The following GPHN variants were observed in gnomAD, a reference collection of about 807,000 sequenced individuals.
The protein encoded by GPHN is gephyrin.
A neutral mutation model predicts 95.5 loss-of-function variants in GPHN; 17 were observed. The observed-to-expected ratio is 0.18, with a 90% CI of 0.12 to 0.27. The LOEUF (loss-of-function observed/expected upper bound fraction) is 0.27, where lower values mean the gene tolerates loss of function less well. Ranked by LOEUF, GPHN falls within the 10% of genes least tolerant of loss-of-function variation. The pLI is 1.00. For synonymous variants in GPHN, 320 were observed against 322.5 expected (o/e 0.99, Z 0.08); for missense variants, 660 against 978.1 (o/e 0.67, Z 4.34).
intron 11 of GPHN, among the ~76,000 whole-genome samples, chr14:67,080,255 T>C (rs1374912388): frequency 1.3e-5 from 2 of 151,944 alleles, no homozygotes; most frequent in African/African-American, 4.8e-5. Context: ...TCATTTTAAA[T>C]TCATGTGATT....
intron 2 of GPHN, among the ~76,000 whole-genome samples, chr14:66,713,250 G>A (rs11624158): frequency 4.8e-4 from 73 of 152,190 alleles, no homozygotes; most frequent in South Asian, 2.7e-3. Flanking sequence ...TGATGTTATC[G>A]TCTAGAATTT....
At chr14:66,701,371 C>T (rs1229096531) in intron 2 of GPHN, among the ~76,000 whole-genome samples, 3 of 152,192 alleles carry the variant, frequency 2.0e-5, no homozygotes, top group African/African-American at 7.2e-5. Flanking sequence ...CATTTGGGTG[C>T]GGCCATGATG....
chr14:66,523,910 A>G (rs1009690555), intron 1 of GPHN, among the ~76,000 whole-genome samples: 2 of 152,126 alleles, frequency 1.3e-5, no homozygotes, highest in Admixed American at 6.6e-5. Context: ...TTAAGGTTCA[A>G]TACTGAACTG....
At chr14:67,273,792 C>T in the GPHN span, among the ~76,000 whole-genome samples, 7 of 152,092 alleles carry the variant, frequency 4.6e-5, no homozygotes, top group South Asian at 4.2e-4. Flanking sequence ...CTGTTGTTTC[C>T]GACTTTTTAA....
At chr14:67,533,498 C>G in the GPHN span, 2 of 151,890 alleles carry the variant, frequency 1.3e-5, no homozygotes, top group African/African-American at 4.8e-5. Context: ...GCCCAGAGGA[C>G]GATCCGGAGC....
At chr14:67,347,728 G>A in the GPHN span, among the ~76,000 whole-genome samples, 2 of 151,826 alleles carry the variant, frequency 1.3e-5, no homozygotes, top group African/African-American at 4.8e-5. Flanking sequence ...TTGAACTTCC[G>A]ACCTCAGGTG....
chr14:66,562,112 T>G (rs1594976508), intron 1 of GPHN, among the ~76,000 whole-genome samples: 1 of 152,140 alleles, frequency 6.6e-6, no homozygotes, highest in South Asian at 2.1e-4. Flanking sequence ...CTCAAAATCC[T>G]TAGTATTAAT....
At chr14:67,481,134 GA>G in the GPHN span, among the ~76,000 whole-genome samples, 2 of 151,748 alleles carry the variant, frequency 1.3e-5, no homozygotes, top group Non-Finnish European at 2.9e-5. Flanking sequence ...TCTACAAAAA[GA>G]AAAAAAAGTA....
intron 7 of GPHN, among the ~76,000 whole-genome samples, chr14:66,923,876 C>A (rs935197876): frequency 2.0e-5 from 3 of 151,508 alleles, no homozygotes; most frequent in Admixed American, 2.0e-4. Context: ...TGAGTGCTTA[C>A]TAAAGGCTAG....
At chr14:66,554,129 T>G (rs2059924173) in intron 1 of GPHN, among the ~76,000 whole-genome samples, 1 of 152,168 alleles carries the variant, frequency 6.6e-6, no homozygotes, top group South Asian at 2.1e-4. Flanking sequence ...TTTTTTTTAC[T>G]TTTCTGAACC....
the GPHN span, among the ~76,000 whole-genome samples, chr14:67,316,580 A>AT: frequency 6.6e-6 from 1 of 152,212 alleles, no homozygotes; most frequent in East Asian, 1.9e-4. Context: ...AAGTTGAACT[A>AT]TTAAATTTTT....
At position 67,039,227 on chromosome 14, in the gene GPHN, G is replaced by A. The variant is rs147527703; in HGVS notation, c.1006+15552G>A. Among the ~76,000 whole-genome samples the A allele has an allele frequency of 3.5e-4, 53 of 152,146 alleles. No individual in the cohort carries two copies. The East Asian group carries it at 8.1e-3, about 23-fold the overall frequency. ...TTGGGCAATTTCGCATTCTCTAAAA[G>A]TACTTTCAGATCTTTGTAATTTTGT... On this transcript the variant is annotated intron_variant, in intron 10 of 22. Transcript: ENST00000478722.
intron 2 of GPHN, among the ~76,000 whole-genome samples, chr14:66,702,227 G>C (rs563794851): frequency 1.3e-5 from 2 of 152,296 alleles, no homozygotes; most frequent in South Asian, 4.1e-4. Flanking sequence ...GTAGTTTTGG[G>C]GAATCCAGGC....
chr14:66,945,948 G>T (rs1020019970), intron 8 of GPHN, among the ~76,000 whole-genome samples: 2 of 152,102 alleles, frequency 1.3e-5, no homozygotes, highest in Non-Finnish European at 2.9e-5. Context: ...AAATGTCAAA[G>T]ATAGTTTTAT....
At chr14:67,517,094 A>G in the GPHN span, among the ~76,000 whole-genome samples, 4 of 152,344 alleles carry the variant, frequency 2.6e-5, no homozygotes, top group South Asian at 8.3e-4. Context: ...ACAGGCAGGC[A>G]TGTGGGCTGT....
chr14:66,784,822 C>T (rs2059716095), intron 3 of GPHN, among the ~76,000 whole-genome samples: 1 of 152,074 alleles, frequency 6.6e-6, no homozygotes, highest in Non-Finnish European at 1.5e-5. Flanking sequence ...GAAAAAGAAA[C>T]AGGACAAAAA....
the GPHN span, among the ~76,000 whole-genome samples, chr14:67,507,436 G>T: frequency 6.6e-6 from 1 of 152,112 alleles, no homozygotes; most frequent in African/African-American, 2.4e-5. Flanking sequence ...GGGATAGGGG[G>T]AAGAATCCTG....
chr14:66,802,947 G>A (rs2153477890), intron 3 of GPHN, among the ~76,000 whole-genome samples: 1 of 152,242 alleles, frequency 6.6e-6, no homozygotes, highest in Middle Eastern at 3.4e-3. Flanking sequence ...TACTCCCTTA[G>A]ATGGTGTCTC....
intron 3 of GPHN, chr14:66,823,010 T>C (rs1332772579): frequency 6.6e-6 from 1 of 152,284 alleles, no homozygotes; most frequent in Non-Finnish European, 1.5e-5. Flanking sequence ...TTTTTGTTTA[T>C]TGTTTTCTTG....
Sources: gnomAD v4.1 joint callset for allele counts (sites outside exome capture counted in the v4.1 genomes callset) on GRCh38, gnomAD v4.1.1 for gene constraint, MANE v1.5 for transcripts, NCBI Gene and HGNC (gene_info 2026-07-23, HGNC 2026-07-21) for gene names.